ASIC2: variants seen among roughly 807,000 people sequenced by gnomAD.
The protein encoded by ASIC2 is acid sensing ion channel subunit 2.
A neutral mutation model predicts 57.3 loss-of-function variants in ASIC2; 25 were observed. The ratio of observed to expected loss-of-function variants is 0.44; its 90% confidence interval spans 0.32 to 0.61. The LOEUF is 0.61. Ranked by LOEUF, ASIC2 falls within the 20% of genes least tolerant of loss-of-function variation. The pLI is 0.06. For missense variants in ASIC2, 641 were observed against 738.1 expected, an observed-to-expected ratio of 0.87 and a Z score of 1.52; for synonymous variants, 319 against 307.5, an observed-to-expected ratio of 1.04 and a Z score of -0.39.
At chr17:33,643,400 C>CTGT (rs1906644562) in intron 1 of ASIC2, among the ~76,000 whole-genome samples, 1 of 152,188 alleles carries the variant, frequency 6.6e-6, no homozygotes, top group African/African-American at 2.4e-5. Flanking sequence ...CCTTTCAATG[C>CTGT]TGTTCACTGC....
At chr17:33,600,673 A>C (rs1185286675) in intron 1 of ASIC2, among the ~76,000 whole-genome samples, 2 of 152,176 alleles carry the variant, frequency 1.3e-5, no homozygotes, top group Non-Finnish European at 2.9e-5. Flanking sequence ...GTGCTAGGAT[A>C]TAAATAACTA....
At chr17:33,031,193 A>T (rs1020115796) in intron 3 of ASIC2, among the ~76,000 whole-genome samples, 1 of 152,116 alleles carries the variant, frequency 6.6e-6, no homozygotes, top group Non-Finnish European at 1.5e-5. Context: ...CTTTTAATAG[A>T]TACAGAGACA....
rs1426834029 is a variant in ASIC2 at position 34,156,107 on chromosome 17, G to C, written c.426C>G (p.Asn142Lys). 1 of 1,614,006 alleles carries C rather than the reference G, an allele frequency of 6.2e-7. No individual in the cohort carries two copies. The highest frequency in any genetic ancestry group is 1.3e-5 in the African/African-American group (1 of 74,914). Reference sequence around the variant, plus strand: ...ACTGCTTGGGTTTGTAGTGCTTGAAGTTGGCCTTCTGCCGCAGGGCCTCCA... The same window carrying C: ...ACTGCTTGGGTTTGTAGTGCTTGAACTTGGCCTTCTGCCGCAGGGCCTCCA... Residue 142 changes from asparagine to lysine, a missense_variant, in exon 1 of 10, where the codon AAC becomes AAG. Transcript: ENST00000359872. The surrounding 1 kb of genome is among the most constrained non-coding windows in gnomAD (Gnocchi z 4.4).
intron 1 of ASIC2, among the ~76,000 whole-genome samples, chr17:33,930,626 A>G (rs967221069): frequency 6.6e-6 from 1 of 152,234 alleles, no homozygotes; most frequent in Admixed American, 6.5e-5. Flanking sequence ...AAGCCAGGTA[A>G]AAGTGCTGAG....
intron 1 of ASIC2, among the ~76,000 whole-genome samples, chr17:33,743,646 C>T (rs955148708): frequency 6.6e-6 from 1 of 152,188 alleles, no homozygotes; most frequent in Non-Finnish European, 1.5e-5. Context: ...TTTCCCTAAG[C>T]CAGAGAGAAT....
At position 33,941,397 on chromosome 17, in the gene ASIC2, G is replaced by A. The variant is rs146007383; in HGVS notation, c.555+214581C>T. Among the ~76,000 whole-genome samples, 456 of 152,314 alleles carry A rather than the reference G, an allele frequency of 3.0e-3. 2 individuals are homozygous for A. Among genetic ancestry groups the A allele is most frequent in the African/African-American group, 7.6e-3 (314 of 41,574 alleles). On this transcript the variant is annotated intron_variant, in intron 1 of 9. Coordinates refer to the ASIC2 transcript ENST00000359872. ...TGCAGGCACTGCAAGGGAGGCAGCC[G>A]TACTGCACTACCAGGGGCTTCCCCA...
chr17:33,413,932 T>C (rs1193438121), intron 1 of ASIC2, among the ~76,000 whole-genome samples: 1 of 152,194 alleles, frequency 6.6e-6, no homozygotes, highest in Non-Finnish European at 1.5e-5. Context: ...AAGAGCACTC[T>C]ATTTTATCTT....
At chr17:33,336,580 C>T (rs537110482) in intron 1 of ASIC2, among the ~76,000 whole-genome samples, 5 of 152,218 alleles carry the variant, frequency 3.3e-5, no homozygotes, top group South Asian at 2.1e-4. Flanking sequence ...TTGATCCTCA[C>T]GACAGCTGTG....
At chr17:33,498,185 T>C (rs1430974739) in intron 1 of ASIC2, among the ~76,000 whole-genome samples, 1 of 152,214 alleles carries the variant, frequency 6.6e-6, no homozygotes, top group Non-Finnish European at 1.5e-5. Flanking sequence ...CACTCGTGTG[T>C]CTGTTGTGCC....
chr17:33,691,871 A>G (rs1203235196), intron 1 of ASIC2, among the ~76,000 whole-genome samples: 6 of 152,056 alleles, frequency 3.9e-5, no homozygotes, highest in Non-Finnish European at 8.8e-5. Flanking sequence ...GGGTAACTTA[A>G]CAACAGGGAT....
intron 1 of ASIC2, among the ~76,000 whole-genome samples, chr17:33,673,071 C>T (rs1873475): frequency 0.072 from 10,987 of 152,104 alleles, 524 homozygotes; most frequent in East Asian, 0.21. Flanking sequence ...GAAGTTACTC[C>T]GTTTGAGAGA....
intron 1 of ASIC2, among the ~76,000 whole-genome samples, chr17:33,809,297 A>G (rs1238793128): frequency 6.6e-6 from 1 of 152,050 alleles, no homozygotes; most frequent in African/African-American, 2.4e-5. Flanking sequence ...ACCCCAGTGG[A>G]GTGTGTGTGT....
chr17:34,062,188 T>G (rs1908994306), intron 1 of ASIC2, among the ~76,000 whole-genome samples: 1 of 152,076 alleles, frequency 6.6e-6, no homozygotes, highest in South Asian at 2.1e-4. Flanking sequence ...CAAACCACAG[T>G]GGAATAAAAC....
chr17:33,519,712 C>T (rs752238887), intron 1 of ASIC2, among the ~76,000 whole-genome samples: 6 of 152,096 alleles, frequency 3.9e-5, no homozygotes, highest in Non-Finnish European at 5.9e-5. Flanking sequence ...GAGGAGGAGG[C>T]CTCCTTAAGG....
rs565386421 is a variant in ASIC2, at chr17:33,373,489, C to T, written c.556-261422G>A. Among the ~76,000 whole-genome samples the T allele has an allele frequency of 9.8e-5, 15 of 152,326 alleles. 1 individual carries two copies. In the South Asian group the frequency reaches 3.1e-3, roughly 32 times the overall value. On this transcript the variant is annotated intron_variant, in intron 1 of 9. Coordinates refer to the ASIC2 transcript ENST00000359872. ...TCCCCTCCCTGTTTGAGGGCTGTAA[C>T]TGCCTTTGTGAAAACTAATGAGGGA...
At chr17:33,533,073 G>T (rs1302383793) in intron 1 of ASIC2, among the ~76,000 whole-genome samples, 4 of 152,202 alleles carry the variant, frequency 2.6e-5, no homozygotes, top group Non-Finnish European at 5.9e-5. Flanking sequence ...CAGGCCGAGT[G>T]CAGTGGCTCA....
intron 1 of ASIC2, among the ~76,000 whole-genome samples, chr17:33,927,439 C>T (rs748284406): frequency 2.0e-5 from 3 of 152,120 alleles, no homozygotes; most frequent in African/African-American, 7.2e-5. Flanking sequence ...AAATAGTGCT[C>T]TTATAAAAGA....
rs989350289 is a variant in ASIC2, at chr17:33,021,207, A to G, written c.1441+12T>C. On this transcript the variant is annotated intron_variant, in intron 7 of 9. Transcript: ENST00000225823. ...TGAGATGTGGAAATTTGTGCAATAG[A>G]CACTGACTTACCAAGTAAGGCAGCA... 6.4e-7 allele frequency: 1 copy of G among 1,564,174 alleles called. No individual in the cohort carries two copies. The highest frequency in any genetic ancestry group is 8.8e-7 in the Non-Finnish European group (1 of 1,139,798).
chr17:33,325,007 T>G (rs542735370), intron 1 of ASIC2, among the ~76,000 whole-genome samples: 6 of 152,242 alleles, frequency 3.9e-5, no homozygotes, highest in Admixed American at 3.3e-4. Context: ...AGGGGGTGAA[T>G]GCTGACTTCT....
Sources: allele counts gnomAD v4.1 joint callset (sites outside exome capture counted in the v4.1 genomes callset), GRCh38; gene constraint gnomAD v4.1.1; non-coding constraint Gnocchi (gnomAD v3.1); transcripts MANE v1.5; gene names NCBI Gene and HGNC (gene_info 2026-07-23, HGNC 2026-07-21).